The following DLGAP2 variants were observed in gnomAD, a reference collection of about 807,000 sequenced individuals.
The protein encoded by DLGAP2 is DLG associated protein 2.
DLGAP2 carries 26 observed loss-of-function variants against 100.3 expected under a neutral mutation model. The observed-to-expected ratio is 0.26, with a 90% CI of 0.19 to 0.36. The LOEUF is 0.36. Ranked by LOEUF, DLGAP2 falls within the 10% of genes least tolerant of loss-of-function variation. DLGAP2 has a pLI of 1.00. For synonymous variants in DLGAP2, 886 were observed against 630.1 expected (o/e 1.41, Z -6.08); for missense variants, 1,858 against 1,453.2 (o/e 1.28, Z -4.53).
At chr8:977,309 C>T (rs1461586577) in intron 2 of DLGAP2, among the ~76,000 whole-genome samples, 1 of 152,182 alleles carries the variant, frequency 6.6e-6, no homozygotes, top group Non-Finnish European at 1.5e-5. Context: ...CCCTGAAGAG[C>T]ACCTCCCATG....
At chr8:1,673,674 A>G (rs926990411) in intron 10 of DLGAP2, among the ~76,000 whole-genome samples, 2 of 152,218 alleles carry the variant, frequency 1.3e-5, no homozygotes, top group Non-Finnish European at 2.9e-5. Flanking sequence ...TCAGGCTGAG[A>G]GTTTTACATC....
At chr8:868,396 C>T (rs536845087) in intron 1 of DLGAP2, among the ~76,000 whole-genome samples, 84 of 152,238 alleles carry the variant, frequency 5.5e-4, no homozygotes, top group Non-Finnish European at 1.1e-3. Flanking sequence ...GGTTTATCTA[C>T]AGAAAAATGA....
chr8:1,464,228 TCCAGGACGACACC>T (rs1295056423), intron 3 of DLGAP2, among the ~76,000 whole-genome samples: 3 of 151,866 alleles, frequency 2.0e-5, no homozygotes, highest in Non-Finnish European at 2.9e-5. Flanking sequence ...ACGGCTCCCT[TCCAGGACGACACC>T]CTTCCAGGAC....
At chr8:875,599 T>A (rs1797675224) in intron 1 of DLGAP2, among the ~76,000 whole-genome samples, 1 of 152,224 alleles carries the variant, frequency 6.6e-6, no homozygotes, top group Admixed American at 6.5e-5. Flanking sequence ...CCTGCTGAAC[T>A]GTGAGTCAAT....
At chr8:1,380,829 A>G (rs1433589304) in intron 3 of DLGAP2, among the ~76,000 whole-genome samples, 1 of 151,620 alleles carries the variant, frequency 6.6e-6, no homozygotes, top group Non-Finnish European at 1.5e-5. Context: ...AATTCCATGG[A>G]GACTAAAAGT....
At chr8:1,273,552 G>T (rs1461141195) in intron 3 of DLGAP2, among the ~76,000 whole-genome samples, 3 of 152,316 alleles carry the variant, frequency 2.0e-5, no homozygotes, top group African/African-American at 7.2e-5. Flanking sequence ...GGAACGTCCT[G>T]CTCTGCTGCT....
At chr8:1,686,044 A>T (rs1354032404) in intron 12 of DLGAP2, among the ~76,000 whole-genome samples, 1 of 152,238 alleles carries the variant, frequency 6.6e-6, no homozygotes, top group Non-Finnish European at 1.5e-5. Context: ...TAGAACCACC[A>T]TGTGATCCAG....
rs1010297502 is a variant in DLGAP2, at chr8:952,099, C to T, written c.73+44133C>T. Among the ~76,000 whole-genome samples, 8 of 152,220 alleles carry T rather than the reference C, an allele frequency of 5.3e-5. No homozygotes were observed. The South Asian group carries it at 8.3e-4, about 16-fold the overall frequency. The stretch of plus-strand genomic sequence containing the variant: ...GAGTTTTCTAGTTCCATTTTCTCTC[C>T]AGGTGTGGAGGAGTGCAGGCCTCCT... On this transcript the variant is annotated intron_variant, in intron 2 of 14. Transcript: ENST00000637795.
At chr8:1,622,402 A>G (rs1797368102) in intron 6 of DLGAP2, 1 of 152,226 alleles carries the variant, frequency 6.6e-6, no homozygotes, top group Non-Finnish European at 1.5e-5. Context: ...ATTTTCAAGC[A>G]TGTTTAGATG....
chr8:1,038,903 G>C (rs571243016), intron 2 of DLGAP2, among the ~76,000 whole-genome samples: 5 of 152,302 alleles, frequency 3.3e-5, no homozygotes, highest in Admixed American at 3.3e-4. Context: ...CTATTTGTCA[G>C]TTTCTCGGGT....
chr8:1,068,832 C>A (rs146046265), intron 2 of DLGAP2, among the ~76,000 whole-genome samples: 1 of 152,090 alleles, frequency 6.6e-6, no homozygotes, highest in Non-Finnish European at 1.5e-5. Context: ...TTCTCCAGCC[C>A]ATCCTCTCCC....
intron 2 of DLGAP2, among the ~76,000 whole-genome samples, chr8:953,085 C>G (rs1432656728): frequency 6.6e-6 from 1 of 152,224 alleles, no homozygotes. Context: ...GGAAAAATCT[C>G]ATTCATTAAT....
At chr8:1,602,348 G>T (rs561864296) in intron 6 of DLGAP2, among the ~76,000 whole-genome samples, 1 of 152,168 alleles carries the variant, frequency 6.6e-6, no homozygotes, top group Non-Finnish European at 1.5e-5. Context: ...TCACTGAAAT[G>T]GGGTCTTTCT....
intron 3 of DLGAP2, among the ~76,000 whole-genome samples, chr8:1,466,825 T>C (rs1432042504): frequency 6.6e-6 from 1 of 152,176 alleles, no homozygotes; most frequent in East Asian, 1.9e-4. Flanking sequence ...GGCCAGAACC[T>C]AGGAGCTACC....
intron 2 of DLGAP2, among the ~76,000 whole-genome samples, chr8:1,062,798 A>G (rs1328590370): frequency 1.3e-5 from 2 of 152,126 alleles, no homozygotes; most frequent in Non-Finnish European, 2.9e-5. Flanking sequence ...GCTTTGGGGG[A>G]AAAGCTCTTG....
intron 2 of DLGAP2, among the ~76,000 whole-genome samples, chr8:1,233,488 G>T (rs112277367): frequency 2.6e-5 from 4 of 152,184 alleles, no homozygotes; most frequent in African/African-American, 9.6e-5. Flanking sequence ...ATCGCAGAGC[G>T]CAGGGAAGGT....
At chr8:1,326,297 G>A (rs1006770398) in intron 3 of DLGAP2, among the ~76,000 whole-genome samples, 4 of 152,170 alleles carry the variant, frequency 2.6e-5, no homozygotes, top group African/African-American at 9.7e-5. Flanking sequence ...TTTCACTATT[G>A]CACATATATT....
intron 6 of DLGAP2, among the ~76,000 whole-genome samples, chr8:1,605,746 G>A (rs1358449130): frequency 2.0e-5 from 3 of 152,308 alleles, no homozygotes; most frequent in Admixed American, 6.5e-5. Flanking sequence ...GGTGAGAACC[G>A]AAGCCAGCAG....
chr8:1,615,772 G>C (rs369836064), intron 6 of DLGAP2, among the ~76,000 whole-genome samples: 1 of 80,378 alleles, frequency 1.2e-5, no homozygotes, highest in Non-Finnish European at 2.8e-5. Context: ...GCCATTGTAA[G>C]GTCTTATGAA....
Sources: allele counts gnomAD v4.1 joint callset (sites outside exome capture counted in the v4.1 genomes callset), GRCh38; gene constraint gnomAD v4.1.1; transcripts MANE v1.5; gene names NCBI Gene and HGNC (gene_info 2026-07-23, HGNC 2026-07-21).